PHF21B: variants seen among roughly 807,000 people sequenced by gnomAD.
PHF21B encodes PHD finger protein 21B, also known as PHD finger protein 4.
Under a neutral mutation model 62.2 loss-of-function variants are expected in PHF21B, and 22 were observed. The ratio of observed to expected loss-of-function variants is 0.35; its 90% CI spans 0.25 to 0.51. The LOEUF (loss-of-function observed/expected upper bound fraction) is 0.51. Ranked by LOEUF, PHF21B falls within the 20% of genes least tolerant of loss-of-function variation. PHF21B has a pLI of 0.97. For missense variants in PHF21B, 701 were observed against 707.9 expected (o/e 0.99, Z 0.11); for synonymous variants, 341 against 314.7 (o/e 1.08, Z -0.88).
chr22:45,008,903 T>C, intron 1 of PHF21B: 1 of 1,121,688 alleles, frequency 8.9e-7, no homozygotes, highest in Non-Finnish European at 1.1e-6. Flanking sequence ...CGTGTGCGAG[T>C]GAGTGTGAGT....
At chr22:45,005,675 C>CG (rs2073302595) in intron 2 of PHF21B, among the ~76,000 whole-genome samples, 1 of 152,166 alleles carries the variant, frequency 6.6e-6, no homozygotes, top group South Asian at 2.1e-4. Context: ...ACCTGGATAA[C>CG]GGGGTCATCT....
intron 2 of PHF21B, among the ~76,000 whole-genome samples, chr22:44,947,277 C>T (rs5765099): frequency 0.68 from 103,622 of 151,972 alleles, 38,167 homozygotes; most frequent in East Asian, 0.89. Context: ...CTACTCGGCA[C>T]CAAGCATTCT....
intron 5 of PHF21B, 80 bp downstream of exon 5, chr22:44,913,742 C>T: frequency 6.7e-7 from 1 of 1,492,810 alleles, no homozygotes; most frequent in African/African-American, 1.4e-5. Flanking sequence ...ACAGTGAGGC[C>T]ATCCCCGCTA....
intron 2 of PHF21B, among the ~76,000 whole-genome samples, chr22:44,967,816 C>T (rs2072558512): frequency 6.6e-6 from 1 of 152,154 alleles, no homozygotes; most frequent in Admixed American, 6.5e-5. Context: ...CCCCAGGCTG[C>T]CCTGGGCTGG....
At chr22:44,979,229 G>C (rs528491547) in intron 2 of PHF21B, among the ~76,000 whole-genome samples, 30 of 152,368 alleles carry the variant, frequency 2.0e-4, no homozygotes, top group Admixed American at 5.2e-4. Flanking sequence ...ACAGGGAGGA[G>C]GTGCCATCTG....
chr22:44,918,211 G>C (rs970691441), intron 3 of PHF21B, among the ~76,000 whole-genome samples: 4 of 152,380 alleles, frequency 2.6e-5, no homozygotes, highest in African/African-American at 9.6e-5. Context: ...GACTGGCGTG[G>C]GGGCGGATGG....
intron 2 of PHF21B, chr22:45,003,683 C>T (rs2073260359): frequency 6.6e-6 from 1 of 152,230 alleles, no homozygotes; most frequent in South Asian, 2.1e-4. Context: ...GAAGAATATA[C>T]TAGAAGGGCC....
At chr22:44,889,899 GCAT>G in intron 8 of PHF21B, 117 bp from the exon 9 acceptor site, 1 of 1,046,470 alleles carries the variant, frequency 9.6e-7, no homozygotes, top group South Asian at 2.1e-5. Flanking sequence ...CATGATGGGA[GCAT>G]CATAAGGCCC....
intron 2 of PHF21B, among the ~76,000 whole-genome samples, chr22:44,970,625 T>C (rs540351023): frequency 3.0e-4 from 46 of 152,142 alleles, no homozygotes; most frequent in Non-Finnish European, 5.7e-4. Context: ...GAAACCTGGG[T>C]TCAGGGTCAA....
chr22:44,995,275 C>T (rs2073101807), intron 2 of PHF21B, among the ~76,000 whole-genome samples: 1 of 152,180 alleles, frequency 6.6e-6, no homozygotes, highest in African/African-American at 2.4e-5. Context: ...CCCTTCAAAG[C>T]CGCTTCTTTG....
At chr22:44,902,354 C>A in intron 5 of PHF21B, 1 of 350,356 alleles carries the variant, frequency 2.9e-6, no homozygotes. Flanking sequence ...CAAAGCTATT[C>A]CTCAGCTCCA....
intron 6 of PHF21B, among the ~76,000 whole-genome samples, chr22:44,894,812 C>T (rs1489048909): frequency 2.0e-5 from 3 of 152,128 alleles, no homozygotes; most frequent in African/African-American, 4.8e-5. Context: ...GCTGTCTTCT[C>T]GGAGCCTGCA....
intron 2 of PHF21B, among the ~76,000 whole-genome samples, chr22:44,969,772 A>G (rs1344226550): frequency 6.6e-6 from 1 of 152,194 alleles, no homozygotes; most frequent in Non-Finnish European, 1.5e-5. Context: ...TGCATGGCTG[A>G]GTGTAGACTT....
At chr22:44,913,764 C>T in intron 5 of PHF21B, 58 bp downstream of exon 5, 3 of 1,554,964 alleles carry the variant, frequency 1.9e-6, no homozygotes, top group Non-Finnish European at 2.6e-6. Context: ...ACACAGCGGC[C>T]TCAGATGGCA....
chr22:44,992,999 T>C (rs1206868747), intron 2 of PHF21B, among the ~76,000 whole-genome samples: 1 of 152,176 alleles, frequency 6.6e-6, no homozygotes, highest in Non-Finnish European at 1.5e-5. Flanking sequence ...CAACAGGGCA[T>C]GGGACTCTGC....
intron 2 of PHF21B, among the ~76,000 whole-genome samples, chr22:44,959,514 G>A (rs2072374505): frequency 6.6e-6 from 1 of 152,168 alleles, no homozygotes; most frequent in Admixed American, 6.5e-5. Flanking sequence ...TGCTCAGCAG[G>A]TTTCATTCAC....
At chr22:44,910,365 G>A (rs1416096040) in intron 5 of PHF21B, among the ~76,000 whole-genome samples, 1 of 152,176 alleles carries the variant, frequency 6.6e-6, no homozygotes, top group East Asian at 1.9e-4. Context: ...AGGATCACTT[G>A]AGGCTTGAGG....
rs912311320 is a variant in PHF21B at position 44,882,561 on chromosome 22, A to T, written c.*525T>A. ...AGGCCCGCCCGCCCACCCCAGGGGGACCTCCTAGGAGCGTGGGGCATTGAG... is the reference window on the plus strand; with the variant it reads ...AGGCCCGCCCGCCCACCCCAGGGGGTCCTCCTAGGAGCGTGGGGCATTGAG... On this transcript the variant is annotated 3_prime_UTR_variant, in exon 13 of 13. Transcript: ENST00000313237. 2.6e-4 allele frequency: 7 copies of T among 27,104 alleles called. No homozygotes were observed. Among genetic ancestry groups the T allele is most frequent in the African/African-American group, 1.0e-3 (7 of 6,928 alleles). The allele number at this position is 27,104 out of a possible 1,614,324, so 1.7% of individuals were successfully genotyped here. A position where few individuals can be genotyped will look rare whatever the true frequency, so the allele number is the denominator to read the frequency against.
chr22:44,883,408 C>T (rs914678250), intron 12 of PHF21B, 104 bp from the exon 13 acceptor site: 1 of 1,099,076 alleles, frequency 9.1e-7, no homozygotes, highest in African/African-American at 1.6e-5. Flanking sequence ...CAAAGGCCTA[C>T]AAGAAACCAG....
Sources: allele counts gnomAD v4.1 joint callset (sites outside exome capture counted in the v4.1 genomes callset), GRCh38; gene constraint gnomAD v4.1.1; transcripts MANE v1.5; gene names NCBI Gene and HGNC (gene_info 2026-07-23, HGNC 2026-07-21).